Variants in DCAF10 observed in about 807,000 individuals in gnomAD.
DCAF10 encodes DDB1- and CUL4-associated factor 10.
DCAF10 carries 19 observed loss-of-function variants against 51.9 expected under a neutral mutation model. The ratio of observed to expected loss-of-function variants is 0.37; its 90% CI spans 0.26 to 0.54. The LOEUF is 0.54. Ranked by LOEUF, DCAF10 falls within the 20% of genes least tolerant of loss-of-function variation. The pLI is 0.87. For missense variants in DCAF10, 510 were observed against 730.6 expected (o/e 0.70, Z 3.48); for synonymous variants, 291 against 297.1 (o/e 0.98, Z 0.21).
intron 1 of DCAF10, among the ~76,000 whole-genome samples, chr9:37,805,609 A>G (rs1233746228): frequency 1.3e-5 from 2 of 152,196 alleles, no homozygotes; most frequent in Admixed American, 6.5e-5. Flanking sequence ...AAGACAAGAA[A>G]GATTATAATT....
intron 2 of DCAF10, among the ~76,000 whole-genome samples, chr9:37,828,136 C>T (rs1351222937): frequency 6.6e-6 from 1 of 152,158 alleles, no homozygotes; most frequent in Non-Finnish European, 1.5e-5. Context: ...GATCCTCCCA[C>T]CTCGGCCTCC....
chr9:37,853,849 G>A (rs546994494), intron 3 of DCAF10, among the ~76,000 whole-genome samples: 22 of 152,144 alleles, frequency 1.4e-4, no homozygotes, highest in African/African-American at 5.3e-4. Context: ...GATTACAGGT[G>A]TGAGCCACCA....
In DCAF10 at chr9:37,800,829, G is replaced by C. The variant is rs866379641; in HGVS notation, c.-38G>C. On this transcript the variant is annotated 5_prime_UTR_variant, in exon 1 of 7. Coordinates refer to ENST00000377724, the MANE Select transcript of DCAF10 (RefSeq NM_024345.5). ...CAGGGGCACTGAGGTGTCGGCCGGC[G>C]GGGCAGTGGCCCGGAGCGGGGGGCG... 4 of 1,489,570 alleles carry C rather than the reference G, an allele frequency of 2.7e-6. No homozygotes were observed. Among genetic ancestry groups the C allele is most frequent in the South Asian group, 2.6e-5 (2 of 75,810 alleles). 92.3% of individuals were successfully genotyped at this position (1,489,570 alleles called of 1,614,324 possible). A position where few individuals can be genotyped will look rare whatever the true frequency, so the allele number is the denominator to read the frequency against.
chr9:37,815,577 G>A (rs757559775), intron 1 of DCAF10, among the ~76,000 whole-genome samples: 22 of 151,940 alleles, frequency 1.4e-4, no homozygotes, highest in Admixed American at 2.0e-4. Flanking sequence ...CCCGGGAGGC[G>A]GAGGTTGCAG....
intron 3 of DCAF10, among the ~76,000 whole-genome samples, chr9:37,852,976 G>A (rs1426398671): frequency 3.7e-5 from 4 of 107,338 alleles, no homozygotes; most frequent in Non-Finnish European, 8.0e-5. Flanking sequence ...AAATTAGCTT[G>A]ATTTAGCTAT....
chr9:37,813,176 C>T (rs1403333475), intron 1 of DCAF10, among the ~76,000 whole-genome samples: 4 of 152,168 alleles, frequency 2.6e-5, no homozygotes, highest in East Asian at 1.9e-4. Context: ...TCACAGCTCA[C>T]GGCAACCTCC....
chr9:37,828,752 C>T (rs1357289127), intron 2 of DCAF10, among the ~76,000 whole-genome samples: 2 of 152,068 alleles, frequency 1.3e-5, no homozygotes, highest in East Asian at 3.9e-4. Context: ...GCATTATGAA[C>T]CAGTGCGGGG....
intron 3 of DCAF10, among the ~76,000 whole-genome samples, chr9:37,851,333 A>C (rs1037754616): frequency 6.6e-6 from 1 of 151,714 alleles, no homozygotes; most frequent in Non-Finnish European, 1.5e-5. Flanking sequence ...CAGGTGTGAC[A>C]CTCTGCCTGG....
At chr9:37,841,785 CT>C (rs1830344759) in intron 2 of DCAF10, among the ~76,000 whole-genome samples, 2 of 152,158 alleles carry the variant, frequency 1.3e-5, no homozygotes, top group Admixed American at 6.5e-5. Flanking sequence ...TTCTGAAGTT[CT>C]TTTTTTCCCT....
intron 2 of DCAF10, among the ~76,000 whole-genome samples, chr9:37,823,876 CTTT>C (rs1193191524): frequency 1.7e-5 from 2 of 120,752 alleles, no homozygotes. Context: ...TAGAGCACAT[CTTT>C]TTTTTTTTTT....
intron 1 of DCAF10, among the ~76,000 whole-genome samples, chr9:37,809,872 C>T (rs1330813485): frequency 2.1e-5 from 3 of 144,558 alleles, no homozygotes; most frequent in African/African-American, 5.1e-5. Flanking sequence ...GCGGGGCGGC[C>T]GTGCGCGGTG....
At chr9:37,848,262 C>G (rs1830533415) in intron 3 of DCAF10, among the ~76,000 whole-genome samples, 1 of 152,104 alleles carries the variant, frequency 6.6e-6, no homozygotes. Context: ...CACACAAAGA[C>G]TTGTACATGA....
At chr9:37,817,117 A>G (rs1031347329) in intron 1 of DCAF10, among the ~76,000 whole-genome samples, 2 of 152,212 alleles carry the variant, frequency 1.3e-5, no homozygotes, top group African/African-American at 4.8e-5. Context: ...ACCAATGTAA[A>G]TAAGATCAGC....
chr9:37,801,509 AG>A lies in DCAF10; in HGVS notation c.539+106del, dbSNP rs1328579590. ...CCCCGCGCCCGGGCCGAGGTTAGCG[AG>A]GCCGTTTGGGGCCGCTGGCCTTCGT... On this transcript the variant is annotated intron_variant, in intron 1 of 6. Coordinates refer to ENST00000377724, the MANE Select transcript of DCAF10 (RefSeq NM_024345.5). This position sits in a 1 kb window ranked among gnomAD's most constrained non-coding sequence, Gnocchi z 5.5. The A allele has an allele frequency of 4.2e-5, 55 of 1,304,258 alleles. No homozygotes were observed. Among genetic ancestry groups the A allele is most frequent in the Non-Finnish European group, 5.2e-5 (53 of 1,018,390 alleles). 80.8% of individuals were successfully genotyped at this position (1,304,258 alleles called of 1,614,324 possible).
intron 1 of DCAF10, among the ~76,000 whole-genome samples, chr9:37,815,380 C>A (rs7848867): frequency 0.19 from 29,101 of 152,210 alleles, 3,186 homozygotes; most frequent in African/African-American, 0.29. Context: ...CATGGTGGCT[C>A]ACGCCTGTAA....
chr9:37,827,721 A>C (rs1169430576), intron 2 of DCAF10, among the ~76,000 whole-genome samples: 3 of 152,190 alleles, frequency 2.0e-5, no homozygotes, highest in Non-Finnish European at 4.4e-5. Context: ...TAAAGGGAAC[A>C]AGAGAGATAA....
chr9:37,808,572 T>C (rs1589075180), intron 1 of DCAF10, among the ~76,000 whole-genome samples: 2 of 107,266 alleles, frequency 1.9e-5, no homozygotes, highest in East Asian at 4.5e-4. Flanking sequence ...TAATACATAA[T>C]ATATAATATA....
intron 3 of DCAF10, among the ~76,000 whole-genome samples, chr9:37,853,512 T>G (rs1830754579): frequency 6.6e-6 from 1 of 152,118 alleles, no homozygotes; most frequent in Admixed American, 6.6e-5. Flanking sequence ...GCAAAAAGAT[T>G]GTTAAGCATG....
chr9:37,812,667 T>C (rs1829386228), intron 1 of DCAF10, among the ~76,000 whole-genome samples: 1 of 152,198 alleles, frequency 6.6e-6, no homozygotes, highest in Non-Finnish European at 1.5e-5. Context: ...AGAGTCTCTC[T>C]CTGTCATCCA....
Sources: gnomAD v4.1 joint callset for allele counts (sites outside exome capture counted in the v4.1 genomes callset) on GRCh38, gnomAD v4.1.1 for gene constraint, Gnocchi (gnomAD v3.1) non-coding constraint, MANE v1.5 for transcripts, NCBI Gene and HGNC (gene_info 2026-07-23, HGNC 2026-07-21) for gene names.